The following TAS1R2 variants were observed in gnomAD, a reference collection of about 807,000 sequenced individuals.
TAS1R2 encodes the protein taste 1 receptor member 2.
In TAS1R2, 47 loss-of-function variants were observed where a neutral mutation model predicts 49.3. That is an observed-to-expected ratio of 0.95 (90% confidence interval 0.75 to 1.22). The LOEUF (loss-of-function observed/expected upper bound fraction) is 1.22. Ranked by LOEUF, TAS1R2 falls within the 50% of genes most tolerant of loss-of-function variation. The pLI is 0.00. For missense variants in TAS1R2, 1,155 were observed against 1,122.1 expected (o/e 1.03, Z -0.42); for synonymous variants, 479 against 467.9 (o/e 1.02, Z -0.31).
At chr1:18,849,649 A>T (rs1364382860) in intron 3 of TAS1R2, 99 bp from the exon 4 acceptor site, 1 of 1,339,700 alleles carries the variant, frequency 7.5e-7, no homozygotes, top group African/African-American at 1.4e-5. Context: ...ATTAGCCTTG[A>T]TTTCCAACTC....
intron 3 of TAS1R2, 107 bp from the exon 4 acceptor site, chr1:18,849,657 C>A: frequency 7.9e-7 from 1 of 1,262,804 alleles, no homozygotes; most frequent in Admixed American, 2.0e-5. Flanking sequence ...TGATTTCCAA[C>A]TCTGTAATAT....
In TAS1R2 at chr1:18,854,716, C is replaced by T; in HGVS notation, c.754G>A (p.Glu252Lys). 6.2e-7 allele frequency: 1 copy of T among 1,613,302 alleles called. No individual in the cohort carries two copies. The change falls in exon 3 of 6, where the codon GAG becomes AAG. Residue 252 changes from glutamate (E) to lysine (K), a missense_variant. Coordinates refer to ENST00000375371, the Ensembl canonical transcript of TAS1R2. This position sits in a 1 kb window ranked among gnomAD's most constrained non-coding sequence, Gnocchi z 4.9. ...ATGGTCACCAGGCGCTGGCGCTCCT[C>T]TGACGTCATGTTCTGGTTGGGCTGC...
At chr1:18,849,299 C>T (rs940387320) in intron 4 of TAS1R2, 42 bp downstream of exon 4, 1 of 1,607,756 alleles carries the variant, frequency 6.2e-7, no homozygotes, top group Non-Finnish European at 8.5e-7. Flanking sequence ...GGGCCCCAGG[C>T]CCCGCCCCAG....
rs1934080713 is a variant in TAS1R2 at position 18,854,100 on chromosome 1, T to A, written c.1257+113A>T. On this transcript the variant is annotated intron_variant, in intron 3 of 5. Transcript: ENST00000375371. The surrounding 1 kb of genome is among the most constrained non-coding windows in gnomAD (Gnocchi z 4.9). ...TTGTTTTGGCACCAGGAAGGACTAG[T>A]GCTATGTGTCTGGAAGAATGGGATA... 1 of 1,045,000 alleles carries A rather than the reference T, an allele frequency of 9.6e-7. No individual in the cohort carries two copies. The highest frequency in any genetic ancestry group is 1.4e-6 in the Non-Finnish European group (1 of 728,598). The allele number at this position is 1,045,000 out of a possible 1,614,324, so 64.7% of individuals were successfully genotyped here. A position where few individuals can be genotyped will look rare whatever the true frequency, so the allele number is the denominator to read the frequency against.
chr1:18,839,736 C>A (rs1315882219), exon 6 of TAS1R2: 3 of 1,614,186 alleles, frequency 1.9e-6, no homozygotes. Flanking sequence ...AGCACAGTGA[C>A]CAAGAGGTCC....
intron 4 of TAS1R2, among the ~76,000 whole-genome samples, chr1:18,845,927 T>A (rs34988159): frequency 0.15 from 22,117 of 152,094 alleles, 1,924 homozygotes; most frequent in East Asian, 0.44. Flanking sequence ...GAGATGAATA[T>A]CAGTGACAAC....
Position 18,849,577 on chromosome 1 carries a change from G to A in TAS1R2, c.1258-27C>T, listed in dbSNP as rs959427928. 3 of 1,610,760 alleles carry A rather than the reference G, an allele frequency of 1.9e-6. No homozygotes were observed. The African/African-American group carries it at 4.0e-5, about 22-fold the overall frequency. On this transcript the variant is annotated intron_variant, in intron 3 of 5. Coordinates refer to ENST00000375371, the Ensembl canonical transcript of TAS1R2. ...TGGCGGGGTCAGAGGGAAGGGAAGT[G>A]GAGCTAGCATCAGAATCTGAGCCAG...
intron 5 of TAS1R2, among the ~76,000 whole-genome samples, chr1:18,841,484 G>T (rs185790181): frequency 6.6e-5 from 10 of 152,212 alleles, no homozygotes; most frequent in African/African-American, 2.4e-4. Flanking sequence ...GCAGTCCAGC[G>T]TGGGGGAGTG....
At chr1:18,841,961 T>C (rs1318788693) in intron 4 of TAS1R2, 109 bp from the exon 5 acceptor site, 1 of 1,217,482 alleles carries the variant, frequency 8.2e-7, no homozygotes, top group South Asian at 2.1e-5. Context: ...AGAAGCCCCC[T>C]AGGTTTTGGG....
chr1:18,851,088 TG>T (rs1408667576), intron 3 of TAS1R2, among the ~76,000 whole-genome samples: 1 of 152,222 alleles, frequency 6.6e-6, no homozygotes, highest in Non-Finnish European at 1.5e-5. Flanking sequence ...GTGGCAGCAC[TG>T]GGATTCCATT....
At chr1:18,847,252 G>T (rs904674932) in intron 4 of TAS1R2, among the ~76,000 whole-genome samples, 6 of 152,178 alleles carry the variant, frequency 3.9e-5, no homozygotes, top group Non-Finnish European at 8.8e-5. Flanking sequence ...GGAGCTTGGG[G>T]AGAAGCCTGG....
chr1:18,839,889 T>C, exon 6 of TAS1R2: 1 of 1,614,216 alleles, frequency 6.2e-7, no homozygotes, highest in African/African-American at 1.3e-5. Flanking sequence ...TAGGCGAAGC[T>C]GAAACCCACC....
intron 2 of TAS1R2, among the ~76,000 whole-genome samples, chr1:18,856,586 C>A (rs1934139668): frequency 6.6e-6 from 1 of 152,232 alleles, no homozygotes; most frequent in East Asian, 1.9e-4. Context: ...CCAGCACCTA[C>A]AACAGTACCT....
chr1:18,849,036 C>T (rs529123219), intron 4 of TAS1R2, among the ~76,000 whole-genome samples: 8 of 152,288 alleles, frequency 5.3e-5, no homozygotes, highest in Non-Finnish European at 8.8e-5. Flanking sequence ...GGGACCACTG[C>T]CCCAGGGTTG....
rs138816008 is a variant in TAS1R2, at chr1:18,854,871, T to C, written c.599A>G (p.His200Arg). Reference sequence around the variant, plus strand: ...CACAATGATCCAGTTCCAGCGGAAGTGCAGCATCAGCTGCACCATGGCCTC... The same window carrying C: ...CACAATGATCCAGTTCCAGCGGAAGCGCAGCATCAGCTGCACCATGGCCTC... The change falls in exon 3 of 6, where the codon CAC becomes CGC. Residue 200 changes from histidine to arginine, a missense_variant. Physicochemically the swap from His to Arg is conservative, Grantham distance 29. Coordinates refer to ENST00000375371, the Ensembl canonical transcript of TAS1R2. This position sits in a 1 kb window ranked among gnomAD's most constrained non-coding sequence, Gnocchi z 4.9. 6.5e-5 allele frequency: 104 copies of C among 1,612,120 alleles called. 1 individual carries two copies. Among genetic ancestry groups the C allele is most frequent in the Admixed American group, 1.7e-4 (10 of 59,990 alleles).
intron 1 of TAS1R2, among the ~76,000 whole-genome samples, chr1:18,858,127 TCAC>T (rs1299089571): frequency 1.3e-5 from 2 of 150,776 alleles, no homozygotes; most frequent in Admixed American, 1.3e-4. Flanking sequence ...ATTTCCACCA[TCAC>T]CACCACCAAC....
At chr1:18,850,059 C>T (rs1933993333) in intron 3 of TAS1R2, among the ~76,000 whole-genome samples, 1 of 152,160 alleles carries the variant, frequency 6.6e-6, no homozygotes, top group African/African-American at 2.4e-5. Flanking sequence ...CTCCCCTGAT[C>T]CCTGGGTCCT....
At chr1:18,849,676 T>A in intron 3 of TAS1R2, 126 bp from the exon 4 acceptor site, 1 of 1,073,588 alleles carries the variant, frequency 9.3e-7, no homozygotes, top group Non-Finnish European at 1.3e-6. Flanking sequence ...ATGGAGGCAA[T>A]AAATCTCCGA....
intron 4 of TAS1R2, among the ~76,000 whole-genome samples, chr1:18,842,977 G>T (rs141966609): frequency 2.0e-5 from 3 of 152,128 alleles, no homozygotes; most frequent in East Asian, 1.9e-4. Flanking sequence ...AAATTTTAAT[G>T]TACCAAAATT....
Sources: gnomAD v4.1 joint callset for allele counts (sites outside exome capture counted in the v4.1 genomes callset) on GRCh38, gnomAD v4.1.1 for gene constraint, Gnocchi (gnomAD v3.1) non-coding constraint, MANE v1.5 for transcripts, NCBI Gene and HGNC (gene_info 2026-07-23, HGNC 2026-07-21) for gene names.